Variants in ADGRG2 observed in about 807,000 individuals in gnomAD.
The protein encoded by ADGRG2 is adhesion G protein-coupled receptor G2.
Under a neutral mutation model 74.1 loss-of-function variants are expected in ADGRG2, and 26 were observed. That is an observed-to-expected ratio of 0.35 (90% CI 0.26 to 0.49). The LOEUF (loss-of-function observed/expected upper bound fraction) is 0.49, where lower values mean the gene tolerates loss of function less well. ADGRG2 is among the 20% of genes least tolerant of loss of function. The pLI, the probability that ADGRG2 is intolerant of heterozygous loss-of-function variation, is 0.99. For synonymous variants in ADGRG2, 296 were observed against 295.2 expected (o/e 1.00, Z -0.03); for missense variants, 619 against 763.1 (o/e 0.81, Z 2.22).
chrX:19,073,611 T>C (rs2061688259), intron 2 of ADGRG2, among the ~76,000 whole-genome samples: 1 of 111,831 alleles, frequency 8.9e-6, no homozygotes, highest in Non-Finnish European at 1.9e-5. Flanking sequence ...GAAATATATA[T>C]CATCAGTGCA....
chrX:19,000,592 CAG>C (rs1244095285), intron 24 of ADGRG2, among the ~76,000 whole-genome samples: 3 of 111,638 alleles, frequency 2.7e-5, no homozygotes, highest in Non-Finnish European at 3.8e-5. Context: ...AACCTTGAGG[CAG>C]AGTCTTCAAT....
At chrX:18,996,007 C>G (rs370957982) in intron 27 of ADGRG2, 44 bp downstream of exon 27, 5 of 660,342 alleles carry the variant, frequency 7.6e-6, no homozygotes, top group Non-Finnish European at 1.2e-5. Flanking sequence ...ACAATCTTTT[C>G]CTTGAGATTT....
chrX:19,115,056 G>A (rs755074767), intron 1 of ADGRG2, among the ~76,000 whole-genome samples: 23 of 111,870 alleles, frequency 2.1e-4, no homozygotes, highest in South Asian at 1.9e-3. Context: ...TATTACGAGA[G>A]TGTCAGAAAT....
At chrX:19,063,528 C>T (rs1043537641) in intron 3 of ADGRG2, among the ~76,000 whole-genome samples, 2 of 112,033 alleles carry the variant, frequency 1.8e-5, no homozygotes, top group African/African-American at 6.5e-5. Flanking sequence ...AACTACCCAC[C>T]GGAAAGAGGT....
At chrX:19,011,835 ACT>A (rs368325643) in intron 16 of ADGRG2, among the ~76,000 whole-genome samples, 4 of 109,750 alleles carry the variant, frequency 3.6e-5, no homozygotes, top group South Asian at 7.7e-4. Flanking sequence ...ACAGAGTGAG[ACT>A]CTCTCTCTCT....
rs757577189 is a variant in ADGRG2 at position 18,990,775 on chromosome X, T to C, written c.*89A>G. The C allele has an allele frequency of 1.4e-4, 85 of 622,533 alleles. No individual in the cohort carries two copies. The African/African-American group carries it at 1.5e-3, about 11-fold the overall frequency. 51.3% of individuals were successfully genotyped at this position (622,533 alleles called of 1,213,427 possible). On this transcript the variant is annotated 3_prime_UTR_variant, in exon 29 of 29. Coordinates refer to ENST00000379869, the MANE Select transcript of ADGRG2 (RefSeq NM_001079858.3). ...CAGATGTTGCCGAGAATAAAATGAGTTGATTTTCATACATCTCACATTGTG... is the reference window on the plus strand; with the variant it reads ...CAGATGTTGCCGAGAATAAAATGAGCTGATTTTCATACATCTCACATTGTG...
chrX:19,060,542 C>CTTTT (rs58196298), intron 3 of ADGRG2, among the ~76,000 whole-genome samples: 2 of 87,092 alleles, frequency 2.3e-5, no homozygotes, highest in Non-Finnish European at 2.3e-5. Context: ...GGCAGGTATT[C>CTTTT]TTTTTTTTTT....
chrX:19,084,006 T>C (rs2061897326), intron 1 of ADGRG2, among the ~76,000 whole-genome samples: 1 of 112,059 alleles, frequency 8.9e-6, no homozygotes, highest in African/African-American at 3.2e-5. Context: ...TGCACACATA[T>C]GTTCATTGCA....
intron 3 of ADGRG2, among the ~76,000 whole-genome samples, chrX:19,062,009 G>A (rs2061496461): frequency 9.0e-6 from 1 of 111,561 alleles, no homozygotes; most frequent in Admixed American, 9.5e-5. Flanking sequence ...ATCCCATCCA[G>A]GCCTGGGGGG....
chrX:19,019,398 A>C (rs978595648), intron 15 of ADGRG2, among the ~76,000 whole-genome samples: 3 of 111,395 alleles, frequency 2.7e-5, no homozygotes, highest in Non-Finnish European at 5.6e-5. Flanking sequence ...AATGCTCCCC[A>C]GGTGATTCTA....
intron 28 of ADGRG2, among the ~76,000 whole-genome samples, chrX:18,993,867 G>A (rs1302771679): frequency 2.7e-5 from 3 of 111,492 alleles, no homozygotes; most frequent in Admixed American, 9.6e-5. Flanking sequence ...TACCAGCAGA[G>A]CTTATGTTTT....
chrX:19,023,768 TA>T (rs1007887011), intron 12 of ADGRG2, 140 bp downstream of exon 12: 4 of 473,093 alleles, frequency 8.5e-6, no homozygotes, highest in African/African-American at 2.5e-5. Flanking sequence ...ATTTTTGGAA[TA>T]AAAAAACTAG....
chrX:19,039,703 C>A (rs2061016499), intron 4 of ADGRG2, among the ~76,000 whole-genome samples: 1 of 112,035 alleles, frequency 8.9e-6, no homozygotes, highest in African/African-American at 3.2e-5. Context: ...CTGTTCCAGG[C>A]ACTTGCCAAT....
At chrX:19,069,481 A>G (rs778488686) in intron 2 of ADGRG2, among the ~76,000 whole-genome samples, 1 of 110,774 alleles carries the variant, frequency 9.0e-6, no homozygotes, top group African/African-American at 3.3e-5. Flanking sequence ...CAAGGGCCAC[A>G]CCCTCAAGCC....
At chrX:19,019,996 C>T (rs758153007) in intron 14 of ADGRG2, among the ~76,000 whole-genome samples, 122 of 111,202 alleles carry the variant, frequency 1.1e-3, no homozygotes, top group Non-Finnish European at 2.0e-3. Context: ...AGACAAATAC[C>T]GCATGATCTC....
chrX:19,033,722 G>T lies in ADGRG2; in HGVS notation c.263-68C>A, dbSNP rs1277874785. Reference sequence around the variant, plus strand: ...GTTTTTTAAAAACAATTTGCCATGAGTATCATTTTAGTGAAGTGCTAAAAA... The same window carrying T: ...GTTTTTTAAAAACAATTTGCCATGATTATCATTTTAGTGAAGTGCTAAAAA... On this transcript the variant is annotated intron_variant, in intron 7 of 28. Coordinates refer to ENST00000379869, the MANE Select transcript of ADGRG2 (RefSeq NM_001079858.3). 12 of 510,344 alleles carry T rather than the reference G, an allele frequency of 2.4e-5. No individual in the cohort carries two copies. In the African/African-American group the frequency reaches 2.9e-4, roughly 13 times the overall value. 42.1% of individuals were successfully genotyped at this position (510,344 alleles called of 1,213,427 possible).
chrX:19,086,486 T>A (rs763985302), intron 1 of ADGRG2, among the ~76,000 whole-genome samples: 3 of 110,684 alleles, frequency 2.7e-5, no homozygotes, highest in Non-Finnish European at 3.8e-5. Context: ...CCCAAAAAAA[T>A]AAATTTTAAA....
intron 3 of ADGRG2, among the ~76,000 whole-genome samples, chrX:19,050,773 T>C (rs1294866885): frequency 9.0e-6 from 1 of 111,605 alleles, no homozygotes; most frequent in Non-Finnish European, 1.9e-5. Context: ...CCACCCCTGA[T>C]CATTTCAACC....
rs754192224 is a variant in ADGRG2, at chrX:19,094,823, C to G, written c.-46-12077G>C. Among the ~76,000 whole-genome samples, 5 of 112,689 alleles carry G rather than the reference C, an allele frequency of 4.4e-5. No individual in the cohort carries two copies. In the South Asian group the frequency reaches 1.5e-3, roughly 33 times the overall value. On this transcript the variant is annotated intron_variant, in intron 1 of 28. Transcript: ENST00000379869. Reference sequence around the variant, plus strand: ...GGGTGGAGGGAGCCAGAACGGGAAGCCTTGGATGGTGGAAACTCCTCTATC... The same window carrying G: ...GGGTGGAGGGAGCCAGAACGGGAAGGCTTGGATGGTGGAAACTCCTCTATC...
Sources: gnomAD v4.1 joint callset for allele counts (sites outside exome capture counted in the v4.1 genomes callset) on GRCh38, gnomAD v4.1.1 for gene constraint, MANE v1.5 for transcripts, NCBI Gene and HGNC (gene_info 2026-07-23, HGNC 2026-07-21) for gene names.